Variants in LRP8 observed in about 807,000 individuals in gnomAD.
LRP8 encodes the protein LDL receptor related protein 8.
In LRP8, 46 loss-of-function variants were observed where a neutral mutation model predicts 111.6. The ratio of observed to expected loss-of-function variants is 0.41; its 90% confidence interval spans 0.33 to 0.53. The LOEUF (loss-of-function observed/expected upper bound fraction) is 0.53. Among genes scored for constraint, LRP8 ranks in the 20% least tolerant of loss-of-function variants. The pLI is 0.20. For missense variants in LRP8, 959 were observed against 1,297.4 expected, an observed-to-expected ratio of 0.74 and a Z score of 4.01; for synonymous variants, 464 against 511.2, an observed-to-expected ratio of 0.91 and a Z score of 1.24.
intron 15 of LRP8, 53 bp from the exon 16 acceptor site, chr1:53,255,238 C>T (rs762243418): frequency 1.0e-5 from 16 of 1,531,158 alleles, no homozygotes; most frequent in Non-Finnish European, 1.4e-5. Context: ...GTGTCCAAGC[C>T]CCTACTGGCC....
intron 3 of LRP8, 126 bp downstream of exon 3, chr1:53,289,441 G>A: frequency 7.7e-7 from 1 of 1,295,016 alleles, no homozygotes; most frequent in Non-Finnish European, 1.0e-6. Context: ...TGTTTACCAG[G>A]AGCGCCCTGA....
intron 2 of LRP8, chr1:53,305,429 G>A (rs1291229193): frequency 6.6e-6 from 1 of 152,236 alleles, no homozygotes; most frequent in Non-Finnish European, 1.5e-5. Flanking sequence ...TACACAGTGA[G>A]TCCTTAAGAG....
At chr1:53,310,711 C>A (rs1288708062) in intron 2 of LRP8, among the ~76,000 whole-genome samples, 2 of 152,190 alleles carry the variant, frequency 1.3e-5, no homozygotes, top group African/African-American at 2.4e-5. Flanking sequence ...CCAGAAAGAA[C>A]TTCGTTTCTG....
In LRP8 at chr1:53,266,904, C is replaced by T. The variant is rs1646585638; in HGVS notation, c.1253-257G>A. On this transcript the variant is annotated intron_variant, in intron 8 of 18. Coordinates refer to ENST00000306052, the MANE Select transcript of LRP8 (RefSeq NM_004631.5). This position sits in a 1 kb window ranked among gnomAD's most constrained non-coding sequence, Gnocchi z 5.0. ...TTCTCCAAAATCTTTTATGGCTCCC[C>T]ATTTTCTCCTTAGGCCTGCACTGAA... 3 of 435,116 alleles carry T rather than the reference C, an allele frequency of 6.9e-6. No homozygotes were observed. The highest frequency in any genetic ancestry group is 2.0e-5 in the African/African-American group (1 of 50,616). The allele number at this position is 435,116 out of a possible 1,614,324, so 27.0% of individuals were successfully genotyped here.
At chr1:53,302,856 A>ATTTTTT (rs769628078) in intron 2 of LRP8, among the ~76,000 whole-genome samples, 3 of 126,606 alleles carry the variant, frequency 2.4e-5, no homozygotes, top group Non-Finnish European at 3.2e-5. Flanking sequence ...CACCCAGCTA[A>ATTTTTT]TTTTTTTTTT....
chr1:53,302,140 G>A (rs1400955725), intron 2 of LRP8, among the ~76,000 whole-genome samples: 2 of 152,184 alleles, frequency 1.3e-5, no homozygotes, highest in African/African-American at 2.4e-5. Context: ...AAGAAAGGGG[G>A]TGATTTTGGC....
In LRP8 at chr1:53,250,356, G is replaced by A. The variant is rs1645854549; in HGVS notation, c.2676+334C>T. ...TTTTTACTGCCAGGAAGAGCCTCTAGGTACAAGGTGGTCCTGATACCTTTT... is the reference window on the plus strand; with the variant it reads ...TTTTTACTGCCAGGAAGAGCCTCTAAGTACAAGGTGGTCCTGATACCTTTT... On this transcript the variant is annotated intron_variant, in intron 17 of 18. Transcript: ENST00000306052. The surrounding 1 kb of genome is among the most constrained non-coding windows in gnomAD (Gnocchi z 4.6). Among the ~76,000 whole-genome samples, 1 of 152,156 alleles carries A rather than the reference G, an allele frequency of 6.6e-6. No homozygotes were observed. The highest frequency in any genetic ancestry group is 1.5e-5 in the Non-Finnish European group (1 of 68,026).
Position 53,249,255 on chromosome 1 carries a change from G to GC in LRP8, c.2853+124dup. 2.0e-6 allele frequency: 2 copies of GC among 1,014,336 alleles called. No homozygotes were observed. The highest frequency in any genetic ancestry group is 2.9e-6 in the Non-Finnish European group (2 of 694,850). The allele number at this position is 1,014,336 out of a possible 1,614,324, so 62.8% of individuals were successfully genotyped here. A position where few individuals can be genotyped will look rare whatever the true frequency, so the allele number is the denominator to read the frequency against. On this transcript the variant is annotated intron_variant, in intron 18 of 18. Coordinates refer to ENST00000306052, the MANE Select transcript of LRP8 (RefSeq NM_004631.5). This position sits in a 1 kb window ranked among gnomAD's most constrained non-coding sequence, Gnocchi z 4.1. ...TGTGACTAACCCATTTTTCTTCTTT[G>GC]CCCCAACACCCAGCTTACAATTTGC...
intron 2 of LRP8, among the ~76,000 whole-genome samples, chr1:53,298,195 G>A (rs1347365256): frequency 6.6e-6 from 1 of 152,198 alleles, no homozygotes; most frequent in Non-Finnish European, 1.5e-5. Flanking sequence ...TGGCCCCACT[G>A]TCACCAAGGG....
chr1:53,304,967 G>A, intron 2 of LRP8: 1 of 152,422 alleles, frequency 6.6e-6, no homozygotes, highest in Non-Finnish European at 1.5e-5. Context: ...AGCCAGCATG[G>A]CTCCCCCAGT....
chr1:53,264,797 G>C (rs1386201896), intron 9 of LRP8, among the ~76,000 whole-genome samples: 1 of 152,168 alleles, frequency 6.6e-6, no homozygotes, highest in Non-Finnish European at 1.5e-5. Flanking sequence ...AGCCATTAGG[G>C]AACAAGAAAG....
chr1:53,327,578 C>A (rs1655323547), intron 1 of LRP8, among the ~76,000 whole-genome samples: 1 of 152,224 alleles, frequency 6.6e-6, no homozygotes, highest in Non-Finnish European at 1.5e-5. Flanking sequence ...CCCCAAGATC[C>A]GCTGCCCAGA....
chr1:53,284,889 G>A (rs1647324120), intron 3 of LRP8, among the ~76,000 whole-genome samples: 1 of 152,176 alleles, frequency 6.6e-6, no homozygotes, highest in Non-Finnish European at 1.5e-5. Flanking sequence ...GGCCCAGAGA[G>A]CAAAAGGGAC....
At chr1:53,299,407 G>C (rs1650372900) in intron 2 of LRP8, among the ~76,000 whole-genome samples, 1 of 152,242 alleles carries the variant, frequency 6.6e-6, no homozygotes, top group African/African-American at 2.4e-5. Flanking sequence ...CCTAGCAGGA[G>C]CCTCACTGGC....
At chr1:53,261,190 A>G (rs1418863651) in intron 12 of LRP8, among the ~76,000 whole-genome samples, 1 of 152,268 alleles carries the variant, frequency 6.6e-6, no homozygotes, top group Admixed American at 6.5e-5. Flanking sequence ...ATATGTATGT[A>G]CACACATAAG....
chr1:53,254,310 C>G (rs1412275872), intron 16 of LRP8, among the ~76,000 whole-genome samples: 1 of 151,984 alleles, frequency 6.6e-6, no homozygotes, highest in South Asian at 2.1e-4. Context: ...AAACCCACCC[C>G]ACCCTGACCC....
intron 1 of LRP8, among the ~76,000 whole-genome samples, chr1:53,327,554 C>A (rs2100562229): frequency 6.6e-6 from 1 of 152,338 alleles, no homozygotes; most frequent in East Asian, 1.9e-4. Context: ...TGGCCAAGCC[C>A]CCCTGCACCC....
intron 3 of LRP8, among the ~76,000 whole-genome samples, chr1:53,284,559 C>T (rs1178916472): frequency 6.6e-6 from 1 of 152,198 alleles, no homozygotes; most frequent in Non-Finnish European, 1.5e-5. Context: ...GTACGCTCCA[C>T]CTCCAGGGTG....
intron 2 of LRP8, among the ~76,000 whole-genome samples, chr1:53,324,259 A>G (rs1654865794): frequency 1.3e-5 from 2 of 152,220 alleles, no homozygotes; most frequent in African/African-American, 4.8e-5. Context: ...GAACAGTTCA[A>G]AGAAATTCAG....
Sources: gnomAD v4.1 joint callset for allele counts (sites outside exome capture counted in the v4.1 genomes callset) on GRCh38, gnomAD v4.1.1 for gene constraint, Gnocchi (gnomAD v3.1) non-coding constraint, MANE v1.5 for transcripts, NCBI Gene and HGNC (gene_info 2026-07-23, HGNC 2026-07-21) for gene names.